CDH5: variants seen among roughly 807,000 people sequenced by gnomAD.
The protein encoded by CDH5 is cadherin-5.
In CDH5, 28 loss-of-function variants were observed where a neutral mutation model predicts 62.0. The ratio of observed to expected loss-of-function variants is 0.45; its 90% CI spans 0.33 to 0.62. The LOEUF is 0.62. Among genes scored for constraint, CDH5 ranks in the 20% least tolerant of loss-of-function variants. The pLI is 0.02. For missense variants in CDH5, 940 were observed against 1,065.1 expected (o/e 0.88, Z 1.63); for synonymous variants, 464 against 445.8 (o/e 1.04, Z -0.52).
In CDH5 at chr16:66,370,863, G is replaced by A. The variant is rs538845111; in HGVS notation, c.-20+4105G>A. Among the ~76,000 whole-genome samples, 284 of 152,336 alleles carry A rather than the reference G, an allele frequency of 1.9e-3. 2 individuals carry two copies. The highest frequency in any genetic ancestry group is 6.5e-3 in the African/African-American group (271 of 41,578). ...ATTTCAGGAACTCCTAGCTCTCCTC[G>A]AGGCTGGAAGGGGCAGGGAAGTGGA... On this transcript the variant is annotated intron_variant, in intron 1 of 11. Transcript: ENST00000341529.
rs1961068390 is a variant in CDH5 at position 66,390,659 on chromosome 16, G to A, written c.969+69G>A. 5 of 1,454,926 alleles carry A rather than the reference G, an allele frequency of 3.4e-6. No individual in the cohort carries two copies. In the African/African-American group the frequency reaches 4.2e-5, roughly 12 times the overall value. The allele number at this position is 1,454,926 out of a possible 1,614,324, so 90.1% of individuals were successfully genotyped here. A position where few individuals can be genotyped will look rare whatever the true frequency, so the allele number is the denominator to read the frequency against. On this transcript the variant is annotated intron_variant, in intron 6 of 11. Transcript: ENST00000341529. ...CTCTTGGCACCCACAGGTCCTGCTT[G>A]GGGATTGCTCCTGGGCCAGAGACCA...
At chr16:66,368,090 C>A (rs1015171162) in intron 1 of CDH5, among the ~76,000 whole-genome samples, 1 of 152,202 alleles carries the variant, frequency 6.6e-6, no homozygotes, top group African/African-American at 2.4e-5. Context: ...CCATGTCAGG[C>A]TCCCTCCCCA....
chr16:66,394,697 C>G (rs909907920), intron 7 of CDH5, among the ~76,000 whole-genome samples: 1 of 152,066 alleles, frequency 6.6e-6, no homozygotes, highest in African/African-American at 2.4e-5. Context: ...TATAGACATA[C>G]ACACACCCAT....
At chr16:66,378,938 G>C (rs975982368) in intron 1 of CDH5, among the ~76,000 whole-genome samples, 3 of 152,196 alleles carry the variant, frequency 2.0e-5, no homozygotes, top group Non-Finnish European at 2.9e-5. Context: ...ATATATGGGC[G>C]ATCGGTCAGA....
At chr16:66,399,300 C>T (rs2142342645) in intron 10 of CDH5, among the ~76,000 whole-genome samples, 1 of 152,318 alleles carries the variant, frequency 6.6e-6, no homozygotes, top group South Asian at 2.1e-4. Flanking sequence ...CACAAGTAGG[C>T]AAGCTTCCAT....
intron 11 of CDH5, 127 bp downstream of exon 11, chr16:66,401,143 C>T: frequency 8.2e-7 from 1 of 1,220,014 alleles, no homozygotes; most frequent in Admixed American, 2.0e-5. Flanking sequence ...CTCCAATCTG[C>T]AATGCAGCCC....
intron 1 of CDH5, among the ~76,000 whole-genome samples, chr16:66,368,486 G>T (rs781028109): frequency 2.6e-5 from 4 of 152,238 alleles, no homozygotes; most frequent in Non-Finnish European, 5.9e-5. Flanking sequence ...CAGGAAGCCA[G>T]CAGGGGCCAC....
At chr16:66,370,932 G>A (rs1960676462) in intron 1 of CDH5, among the ~76,000 whole-genome samples, 1 of 152,190 alleles carries the variant, frequency 6.6e-6, no homozygotes, top group African/African-American at 2.4e-5. Context: ...ACCATGCTAG[G>A]CCTTAAGGGC....
chr16:66,391,750 G>A (rs1961088422), intron 6 of CDH5, among the ~76,000 whole-genome samples: 1 of 152,202 alleles, frequency 6.6e-6, no homozygotes, highest in South Asian at 2.1e-4. Context: ...TCCAATCTGG[G>A]TACCAAGAGC....
chr16:66,375,318 C>T lies in CDH5; in HGVS notation c.-19-4001C>T, dbSNP rs188446852. 1.2e-3 allele frequency among the ~76,000 whole-genome samples: 181 copies of T among 152,164 alleles called. 2 individuals carry two copies. The highest frequency in any genetic ancestry group is 4.2e-3 in the African/African-American group (176 of 41,510). On this transcript the variant is annotated intron_variant, in intron 1 of 11. Coordinates refer to ENST00000341529, the MANE Select transcript of CDH5 (RefSeq NM_001795.5). ...GCCAATGCAGGAGGATCACTTGAGG[C>T]AGGAGTTCAAGACCAGCTTGGGCGA...
At chr16:66,398,817 G>C (rs911387259) in intron 10 of CDH5, among the ~76,000 whole-genome samples, 2 of 152,204 alleles carry the variant, frequency 1.3e-5, no homozygotes, top group East Asian at 3.9e-4. Flanking sequence ...TCAAAGACCA[G>C]GCCAACAAAT....
chr16:66,390,137 T>C (rs1567465444), intron 5 of CDH5, among the ~76,000 whole-genome samples: 1 of 152,216 alleles, frequency 6.6e-6, no homozygotes, highest in Non-Finnish European at 1.5e-5. Context: ...GCAGGACTTG[T>C]CTCTCTTGTC....
At chr16:66,390,345 C>T (rs1961060023) in intron 5 of CDH5, 58 bp from the exon 6 acceptor site, 1 of 1,308,036 alleles carries the variant, frequency 7.6e-7, no homozygotes, top group Non-Finnish European at 1.1e-6. Flanking sequence ...CTGAAAGAGG[C>T]AATCGCCTTG....
intron 1 of CDH5, among the ~76,000 whole-genome samples, chr16:66,376,911 C>A (rs776046264): frequency 3.1e-4 from 47 of 152,324 alleles, no homozygotes; most frequent in Non-Finnish European, 6.3e-4. Flanking sequence ...TGGAGCCCAT[C>A]ATGCAGTAGG....
At chr16:66,389,297 C>T in intron 4 of CDH5, 61 bp from the exon 5 acceptor site, 1 of 1,537,616 alleles carries the variant, frequency 6.5e-7, no homozygotes, top group South Asian at 1.2e-5. Context: ...CTGGGCAGGC[C>T]CTAGGCATCG....
At position 66,403,846 on chromosome 16, in the gene CDH5, AC is replaced by A. The variant is rs1961342198; in HGVS notation, c.*679del. 6.5e-6 allele frequency: 1 copy of A among 153,112 alleles called. No individual in the cohort carries two copies. The highest frequency in any genetic ancestry group is 1.5e-5 in the Non-Finnish European group (1 of 68,414). 9.5% of individuals were successfully genotyped at this position (153,112 alleles called of 1,614,324 possible). Reference sequence around the variant, plus strand: ...GTAACTGTGCTGTACTGAGCACTGAACCACATTCAGGGAAATGGCTTATTAA... The same window carrying A: ...GTAACTGTGCTGTACTGAGCACTGAACACATTCAGGGAAATGGCTTATTAA... On this transcript the variant is annotated 3_prime_UTR_variant, in exon 12 of 12. Transcript: ENST00000341529. This position sits in a 1 kb window ranked among gnomAD's most constrained non-coding sequence, Gnocchi z 4.3.
At chr16:66,384,364 G>C (rs1345201564) in intron 2 of CDH5, among the ~76,000 whole-genome samples, 1 of 151,552 alleles carries the variant, frequency 6.6e-6, no homozygotes, top group Non-Finnish European at 1.5e-5. Flanking sequence ...AAAGTGCTGG[G>C]ATTACAGGCA....
In CDH5 at chr16:66,374,413, G is replaced by A. The variant is rs141950095; in HGVS notation, c.-19-4906G>A. Among the ~76,000 whole-genome samples the A allele has an allele frequency of 2.0e-3, 309 of 152,346 alleles. 4 individuals are homozygous for A. Among genetic ancestry groups the A allele is most frequent in the East Asian group, 0.02 (105 of 5,180 alleles). ...GGCAAATGACACACAGCTGCTGTGA[G>A]GTGACTCTGCGAGAGCCAGTCTCAG... On this transcript the variant is annotated intron_variant, in intron 1 of 11. Transcript: ENST00000341529.
intron 2 of CDH5, among the ~76,000 whole-genome samples, chr16:66,380,329 G>C (rs1457835341): frequency 6.7e-6 from 1 of 148,540 alleles, no homozygotes; most frequent in Admixed American, 6.7e-5. Flanking sequence ...TAAAGGGGTA[G>C]GTGGTGATTG....
Sources: gnomAD v4.1 joint callset for allele counts (sites outside exome capture counted in the v4.1 genomes callset) on GRCh38, gnomAD v4.1.1 for gene constraint, Gnocchi (gnomAD v3.1) non-coding constraint, MANE v1.5 for transcripts, NCBI Gene and HGNC (gene_info 2026-07-23, HGNC 2026-07-21) for gene names.